Variants in TRAT1 observed in about 807,000 individuals in gnomAD.
The protein encoded by TRAT1 is T cell receptor associated transmembrane adaptor 1.
A neutral mutation model predicts 20.0 loss-of-function variants in TRAT1; 20 were observed. That is an observed-to-expected ratio of 1.00 (90% CI 0.70 to 1.45). The LOEUF (loss-of-function observed/expected upper bound fraction) is 1.45. TRAT1 is among the 40% of genes most tolerant of loss of function. TRAT1 has a pLI of 0.00. For missense variants in TRAT1, 237 were observed against 224.1 expected (o/e 1.06, Z -0.37); for synonymous variants, 77 against 74.2 (o/e 1.04, Z -0.20).
In TRAT1 at chr3:108,836,928, C is replaced by A. The variant is rs188923532; in HGVS notation, c.119-2006C>A. 8.6e-4 allele frequency among the ~76,000 whole-genome samples: 131 copies of A among 152,288 alleles called. No individual in the cohort carries two copies. The East Asian group carries it at 0.011, about 12-fold the overall frequency. On this transcript the variant is annotated intron_variant, in intron 2 of 5. Transcript: ENST00000295756. ...CTTATGCATCTACTTTAATTCCAGG[C>A]AAATCTGCAAAATAATTAGTGGCCT...
intron 2 of TRAT1, among the ~76,000 whole-genome samples, chr3:108,833,046 G>C (rs1409068934): frequency 7.2e-5 from 11 of 151,984 alleles, no homozygotes; most frequent in Admixed American, 7.2e-4. Flanking sequence ...ATACCTTTTT[G>C]CCTCCATGCA....
chr3:108,826,929 G>C (rs1272528842), intron 1 of TRAT1, among the ~76,000 whole-genome samples: 1 of 152,086 alleles, frequency 6.6e-6, no homozygotes, highest in Non-Finnish European at 1.5e-5. Flanking sequence ...TGCTTAGCTG[G>C]GTTTCCTTCC....
At chr3:108,850,226 C>A (rs1448869200) in intron 5 of TRAT1, among the ~76,000 whole-genome samples, 1 of 152,052 alleles carries the variant, frequency 6.6e-6, no homozygotes, top group Non-Finnish European at 1.5e-5. Context: ...TAAAATGGCT[C>A]ACATCTTGAA....
In TRAT1 at chr3:108,847,119, T is replaced by C. The variant is rs200826564; in HGVS notation, c.204T>C (p.Asp68=). ...EDTPIYGNLD[D]MISEPMDENC... is the part of the protein sequence containing the mutation. ...CACCAATTTATGGTAACTTAGATGA[T>C]ATGATTTCAGGTAAGTTTTCCATAA... The change falls in exon 4 of 6, where the codon GAT becomes GAC. Residue 68 remains aspartate, a synonymous_variant. Coordinates refer to ENST00000295756, the MANE Select transcript of TRAT1 (RefSeq NM_016388.4). 13 of 1,542,042 alleles carry C rather than the reference T, an allele frequency of 8.4e-6. No individual in the cohort carries two copies. Among genetic ancestry groups the C allele is most frequent in the Non-Finnish European group, 1.1e-5 (12 of 1,124,878 alleles).
Position 108,843,038 on chromosome 3 carries a change from C to A in TRAT1, c.153-4030C>A, listed in dbSNP as rs184097444. ...GGGTTCTCTATTTGGTGCCCTCCTG[C>A]GCCAAGTTCAAGACATCTACACTCA... On this transcript the variant is annotated intron_variant, in intron 3 of 5. Coordinates refer to ENST00000295756, the MANE Select transcript of TRAT1 (RefSeq NM_016388.4). Among the ~76,000 whole-genome samples the A allele has an allele frequency of 2.0e-5, 3 of 151,138 alleles. No homozygotes were observed. In the South Asian group the frequency reaches 6.3e-4, roughly 32 times the overall value.
At chr3:108,830,202 T>C (rs561816363) in intron 1 of TRAT1, among the ~76,000 whole-genome samples, 25 of 152,318 alleles carry the variant, frequency 1.6e-4, no homozygotes, top group Admixed American at 1.6e-3. Context: ...TCCAGAATTA[T>C]TGTTTTATCC....
chr3:108,837,252 G>A (rs1452677522), intron 2 of TRAT1, among the ~76,000 whole-genome samples: 2 of 152,192 alleles, frequency 1.3e-5, no homozygotes, highest in East Asian at 1.9e-4. Context: ...ATTTCCTCTG[G>A]ACTAGAAGTA....
intron 1 of TRAT1, among the ~76,000 whole-genome samples, chr3:108,825,139 G>C (rs1397015678): frequency 6.6e-6 from 1 of 151,962 alleles, no homozygotes; most frequent in Non-Finnish European, 1.5e-5. Flanking sequence ...TTTATATTTA[G>C]ATAGGTAAAA....
At chr3:108,844,221 A>C (rs908274420) in intron 3 of TRAT1, among the ~76,000 whole-genome samples, 3 of 152,240 alleles carry the variant, frequency 2.0e-5, no homozygotes, top group Non-Finnish European at 4.4e-5. Context: ...TTGGGAACTG[A>C]AAAGAACAAT....
At position 108,836,639 on chromosome 3, in the gene TRAT1, T is replaced by C. The variant is rs2218632; in HGVS notation, c.119-2295T>C. Among the ~76,000 whole-genome samples the C allele has an allele frequency of 4.1e-3, 622 of 152,316 alleles. 3 individuals carry two copies. The highest frequency in any genetic ancestry group is 0.014 in the African/African-American group (575 of 41,568). ...TTTCTGGCTTGTTATATAATATGTATTTAGAATGTATGTATAATATTAATA... is the reference window on the plus strand; with the variant it reads ...TTTCTGGCTTGTTATATAATATGTACTTAGAATGTATGTATAATATTAATA... On this transcript the variant is annotated intron_variant, in intron 2 of 5. Transcript: ENST00000295756.
intron 1 of TRAT1, among the ~76,000 whole-genome samples, chr3:108,826,124 T>C (rs750464694): frequency 6.6e-6 from 1 of 152,128 alleles, no homozygotes; most frequent in Non-Finnish European, 1.5e-5. Flanking sequence ...TTAAATTAAG[T>C]AAAGTATTGA....
intron 2 of TRAT1, among the ~76,000 whole-genome samples, chr3:108,831,660 C>T (rs955343727): frequency 6.6e-6 from 1 of 151,858 alleles, no homozygotes; most frequent in African/African-American, 2.4e-5. Context: ...TTGCCTCAGC[C>T]TCTCAAGTAG....
At chr3:108,848,963 C>A (rs1328490383) in intron 4 of TRAT1, among the ~76,000 whole-genome samples, 2 of 152,104 alleles carry the variant, frequency 1.3e-5, no homozygotes, top group Admixed American at 1.3e-4. Context: ...CTTACTAACC[C>A]TTTAGCTCAA....
At chr3:108,851,336 G>A (rs1364819919) in intron 5 of TRAT1, among the ~76,000 whole-genome samples, 1 of 152,178 alleles carries the variant, frequency 6.6e-6, no homozygotes, top group Non-Finnish European at 1.5e-5. Flanking sequence ...TAATCAGAAA[G>A]CCTAGTAATA....
At position 108,846,494 on chromosome 3, in the gene TRAT1, GATCA is replaced by G. The variant is rs374320639; in HGVS notation, c.153-569_153-566del. ...AACTCACCATCTGGACATAATAGGT[GATCA>G]ATCATTTTATTGCATCTGCTAACCT... On this transcript the variant is annotated intron_variant, in intron 3 of 5. Transcript: ENST00000295756. 5.3e-4 allele frequency among the ~76,000 whole-genome samples: 81 copies of G among 152,298 alleles called. 2 individuals are homozygous for G. The South Asian group carries it at 0.017, about 31-fold the overall frequency.
chr3:108,825,947 A>G (rs1945734123), intron 1 of TRAT1, among the ~76,000 whole-genome samples: 1 of 152,168 alleles, frequency 6.6e-6, no homozygotes, highest in African/African-American at 2.4e-5. Context: ...AAATACAGAG[A>G]AAGACAAGTT....
intron 2 of TRAT1, among the ~76,000 whole-genome samples, chr3:108,832,995 T>C (rs1225811660): frequency 6.6e-6 from 1 of 152,194 alleles, no homozygotes; most frequent in Non-Finnish European, 1.5e-5. Context: ...ACAATTCTCA[T>C]TTTTGGTAGT....
intron 3 of TRAT1, among the ~76,000 whole-genome samples, chr3:108,844,490 T>A (rs115082953): frequency 0.012 from 1,802 of 145,458 alleles, 42 homozygotes; most frequent in African/African-American, 0.048. Context: ...AGGAATTTTT[T>A]AAATAAAAGA....
At chr3:108,827,908 C>G (rs1175476669) in intron 1 of TRAT1, among the ~76,000 whole-genome samples, 1 of 152,074 alleles carries the variant, frequency 6.6e-6, no homozygotes, top group Admixed American at 6.6e-5. Context: ...TTTAGTGTAG[C>G]ATATAGGCTT....
Sources: gnomAD v4.1 joint callset for allele counts (sites outside exome capture counted in the v4.1 genomes callset) on GRCh38, gnomAD v4.1.1 for gene constraint, MANE v1.5 for transcripts, NCBI Gene and HGNC (gene_info 2026-07-23, HGNC 2026-07-21) for gene names.